Variants in ACIN1 observed in about 807,000 individuals in gnomAD.
ACIN1 encodes the protein apoptotic chromatin condensation inducer in the nucleus.
ACIN1 carries 16 observed loss-of-function variants against 146.6 expected under a neutral mutation model. The observed-to-expected ratio is 0.11, with a 90% confidence interval of 0.07 to 0.17. The LOEUF is 0.17. Among genes scored for constraint, ACIN1 ranks in the 10% least tolerant of loss-of-function variants. The pLI, the probability that ACIN1 is intolerant of heterozygous loss-of-function variation, is 1.00. For synonymous variants in ACIN1, 569 were observed against 582.7 expected, an observed-to-expected ratio of 0.98 and a Z score of 0.34; for missense variants, 1,357 against 1,609.3, an observed-to-expected ratio of 0.84 and a Z score of 2.68.
At chr14:23,069,648 G>GGGGGCC in intron 8 of ACIN1, 31 bp from the exon 9 acceptor site, 7 of 589,320 alleles carry the variant, frequency 1.2e-5, no homozygotes, top group Non-Finnish European at 2.2e-5. Context: ...TGGTGGGGGG[G>GGGGGCC]CGGGCAGAAA....
In ACIN1 at chr14:23,064,115, G is replaced by C. The variant is rs1182992372; in HGVS notation, c.2585C>G (p.Thr862Arg). 2 of 1,614,098 alleles carry C rather than the reference G, an allele frequency of 1.2e-6. No individual in the cohort carries two copies. Among genetic ancestry groups the C allele is most frequent in the Non-Finnish European group, 1.7e-6 (2 of 1,180,040 alleles). ...GTGCAGAAGCCTTACCTGAGTGACT[G>C]TCCGGCATATTTTCAGCCCCTTGTC... ...THDKGLKICR[T>R]VTQVVPAEGQ... Residue 862 changes from threonine (T) to arginine (R), a missense_variant, in exon 12 of 19, where the codon ACA becomes AGA. Coordinates refer to ENST00000605057, the MANE Select transcript of ACIN1 (RefSeq NM_001386863.1).
chr14:23,077,848 T>C (rs1411617280), intron 8 of ACIN1: 1 of 180,782 alleles, frequency 5.5e-6, no homozygotes, highest in Non-Finnish European at 1.2e-5. Flanking sequence ...CCGGAGTCAA[T>C]TCCCTTACAT....
In ACIN1 at chr14:23,080,718, T is replaced by C. The variant is rs1051647943; in HGVS notation, c.617A>G (p.Asp206Gly). ...TPSRNLRVRA[D>G]RNLKTEEEEE... is the part of the protein sequence containing the mutation. ...TTCCTCCTCTGTTTTCAAATTTCGA[T>C]CTGCTCTGACCCTTAGGTTTCTGGA... Residue 206 changes from aspartate to glycine, a missense_variant, in exon 6 of 19, where the codon GAT becomes GGT. Around this residue, in one of 4 missense-constraint regions of ACIN1, gnomAD observed 771 missense variants for 746.6 expected, o/e 1.03. Coordinates refer to ENST00000605057, the MANE Select transcript of ACIN1 (RefSeq NM_001386863.1). 8 of 1,613,994 alleles carry C rather than the reference T, an allele frequency of 5.0e-6. No homozygotes were observed. Among genetic ancestry groups the C allele is most frequent in the Non-Finnish European group, 6.8e-6 (8 of 1,180,006 alleles).
chr14:23,059,853 A>G (rs2047215456), intron 18 of ACIN1, among the ~76,000 whole-genome samples: 2 of 144,948 alleles, frequency 1.4e-5, no homozygotes, highest in Admixed American at 1.4e-4. Flanking sequence ...ACGGGGCTTC[A>G]CCGTTGTTAG....
chr14:23,089,114 C>T (rs898143813), intron 4 of ACIN1, among the ~76,000 whole-genome samples: 2 of 152,196 alleles, frequency 1.3e-5, no homozygotes, highest in Admixed American at 6.5e-5. Context: ...AATCTTGGCT[C>T]ACTGCAACCT....
chr14:23,085,028 CAAGG>C (rs1418415347), intron 4 of ACIN1, among the ~76,000 whole-genome samples: 4 of 151,780 alleles, frequency 2.6e-5, no homozygotes, highest in African/African-American at 9.7e-5. Context: ...AAGGCAAGTG[CAAGG>C]TTGGTCAGAG....
chr14:23,095,240 A>T (rs1186798260), upstream of ACIN1: 3 of 1,609,684 alleles, frequency 1.9e-6, no homozygotes, highest in Non-Finnish European at 2.5e-6. Flanking sequence ...ACCACTCAGA[A>T]CTCCCCGGGT....
rs1038520145 is a variant in ACIN1, at chr14:23,058,876, A to G, written c.*272T>C. ...GGACTGGGGCACCTGGCTGTTCCCCATCTCTGGCCAACCACCTCCTTGCCT... is the reference window on the plus strand; with the variant it reads ...GGACTGGGGCACCTGGCTGTTCCCCGTCTCTGGCCAACCACCTCCTTGCCT... On this transcript the variant is annotated 3_prime_UTR_variant, in exon 19 of 19. Coordinates refer to ENST00000605057, the MANE Select transcript of ACIN1 (RefSeq NM_001386863.1). 6.0e-6 allele frequency: 3 copies of G among 502,456 alleles called. No homozygotes were observed. Among genetic ancestry groups the G allele is most frequent in the Non-Finnish European group, 1.1e-5 (3 of 281,158 alleles). 31.1% of individuals were successfully genotyped at this position (502,456 alleles called of 1,614,324 possible). A position where few individuals can be genotyped will look rare whatever the true frequency, so the allele number is the denominator to read the frequency against.
Position 23,061,451 on chromosome 14 carries a change from G to T in ACIN1, c.3271C>A (p.Arg1091=). 1.9e-6 allele frequency: 3 copies of T among 1,585,700 alleles called. No individual in the cohort carries two copies. The highest frequency in any genetic ancestry group is 2.6e-6 in the Non-Finnish European group (3 of 1,165,332). ...ERAVREQWAE[R]EREMERRERT... ...TCCCGCCGCTCCATTTCCCGTTCCC[G>T]TTCTGCCCACTGTTCCCGCACTGCC... The change falls in exon 17 of 19, where the codon CGG becomes AGG. Residue 1091 remains arginine (R), a synonymous_variant. Coordinates refer to ENST00000605057, the MANE Select transcript of ACIN1 (RefSeq NM_001386863.1).
rs1022564470 is a variant in ACIN1 at position 23,067,579 on chromosome 14, A to C, written c.2266-1571T>G. On this transcript the variant is annotated intron_variant, in intron 9 of 18. Transcript: ENST00000605057. This position sits in a 1 kb window ranked among gnomAD's most constrained non-coding sequence, Gnocchi z 4.6. The stretch of plus-strand genomic sequence containing the variant: ...CAGTTCACTGGCGGTGGCCAGGCTC[A>C]GCGAGGGATAGAGGGGGGAAAGGGG... 1.5e-5 allele frequency: 15 copies of C among 985,808 alleles called. No individual in the cohort carries two copies. In the African/African-American group the frequency reaches 2.4e-4, roughly 16 times the overall value. 61.1% of individuals were successfully genotyped at this position (985,808 alleles called of 1,614,324 possible).
chr14:23,069,636 G>A lies in ACIN1; in HGVS notation c.2124-19C>T, dbSNP rs201042695. The stretch of plus-strand genomic sequence containing the variant: ...CTCCTCACTGACAGGAGGGGGGAGT[G>A]GTGGTGGGGGGGCGGGCAGAAAAGA... On this transcript the variant is annotated intron_variant, in intron 8 of 18. Transcript: ENST00000605057. The A allele has an allele frequency of 1.4e-4, 210 of 1,504,058 alleles. 1 individual carries two copies. The South Asian group carries it at 1.4e-3, about 10-fold the overall frequency. 93.2% of individuals were successfully genotyped at this position (1,504,058 alleles called of 1,614,324 possible).
At chr14:23,064,070 A>C (rs1594745480) in intron 12 of ACIN1, 35 bp downstream of exon 12, 1 of 1,612,150 alleles carries the variant, frequency 6.2e-7, no homozygotes, top group South Asian at 1.1e-5. Flanking sequence ...TACTGCTCCC[A>C]CCTTTCCCCT....
rs113160955 is a variant in ACIN1 at position 23,081,464 on chromosome 14, A to G, written c.525+284T>C. Among the ~76,000 whole-genome samples the G allele has an allele frequency of 4.1e-3, 624 of 152,332 alleles. 7 individuals carry two copies. The highest frequency in any genetic ancestry group is 0.014 in the African/African-American group (593 of 41,578). On this transcript the variant is annotated intron_variant, in intron 5 of 18. Coordinates refer to ENST00000605057, the MANE Select transcript of ACIN1 (RefSeq NM_001386863.1). ...AAAGATGACAAAGAGGAGAAGGAAG[A>G]TAACCACAAAGAAATCTAGAGGCCA...
In ACIN1 at chr14:23,081,791, T is replaced by A; in HGVS notation, c.482A>T (p.Glu161Val). Residue 161 changes from glutamate to valine, a missense_variant, in exon 5 of 19, where the codon GAG becomes GTG. Coordinates refer to ENST00000605057, the MANE Select transcript of ACIN1 (RefSeq NM_001386863.1). ...TCGTCTTTCTCCTTTCCTTGGTTTCTCATCATCAGAGTCACCTTTCTCTTC... is the reference window on the plus strand; with the variant it reads ...TCGTCTTTCTCCTTTCCTTGGTTTCACATCATCAGAGTCACCTTTCTCTTC... Reference protein sequence around the residue: ...ISEEKGDSDDEKPRKGERRSS... With the variant: ...ISEEKGDSDDVKPRKGERRSS... The A allele has an allele frequency of 6.2e-7, 1 of 1,613,258 alleles. No homozygotes were observed. Among genetic ancestry groups the A allele is most frequent in the East Asian group, 2.2e-5 (1 of 44,868 alleles).
rs1189419954 is a variant in ACIN1 at position 23,061,450 on chromosome 14, C to T, written c.3272G>A (p.Arg1091Gln). 6.4e-7 allele frequency: 1 copy of T among 1,566,236 alleles called. No individual in the cohort carries two copies. Among genetic ancestry groups the T allele is most frequent in the East Asian group, 2.4e-5 (1 of 40,870 alleles). Residue 1091 changes from arginine (R) to glutamine (Q), a missense_variant, in exon 17 of 19, where the codon CGG becomes CAG. Arg to Gln is a conservative substitution (Grantham distance 43). Transcript: ENST00000605057. ...CTCCCGCCGCTCCATTTCCCGTTCCCGTTCTGCCCACTGTTCCCGCACTGC... is the reference window on the plus strand; with the variant it reads ...CTCCCGCCGCTCCATTTCCCGTTCCTGTTCTGCCCACTGTTCCCGCACTGC... ...ERAVREQWAE[R>Q]EREMERRERT...
intron 18 of ACIN1, 29 bp from the exon 19 acceptor site, chr14:23,059,503 A>G (rs1039423964): frequency 1.5e-5 from 24 of 1,580,210 alleles, no homozygotes; most frequent in Middle Eastern, 1.7e-4. Flanking sequence ...GGCAGAGAAT[A>G]GGCAGCTCAG....
At chr14:23,095,287 C>T, upstream of ACIN1, 2 of 1,592,702 alleles carry the variant, frequency 1.3e-6, no homozygotes, top group South Asian at 1.1e-5. Context: ...GTCTCCACAT[C>T]GTTACCAATC....
At chr14:23,095,296 T>A (rs2048348968), upstream of ACIN1, 1 of 1,588,110 alleles carries the variant, frequency 6.3e-7, no homozygotes, top group Non-Finnish European at 8.6e-7. Flanking sequence ...TCGTTACCAA[T>A]CAATTCTTTC....
chr14:23,062,738 A>C, intron 14 of ACIN1, 191 bp downstream of exon 14: 1 of 834,176 alleles, frequency 1.2e-6, no homozygotes, highest in South Asian at 1.8e-5. Context: ...TCCTCAAAAC[A>C]ACCCTGCAGG....
Sources: allele counts gnomAD v4.1 joint callset (sites outside exome capture counted in the v4.1 genomes callset), GRCh38; gene constraint gnomAD v4.1.1; regional missense constraint gnomAD v4.1.1; non-coding constraint Gnocchi (gnomAD v3.1); transcripts MANE v1.5; gene names NCBI Gene and HGNC (gene_info 2026-07-23, HGNC 2026-07-21).